Variants in TBL1XR1 observed in about 807,000 individuals in gnomAD.
TBL1XR1 encodes F-box-like/WD repeat-containing protein TBL1XR1.
A neutral mutation model predicts 66.9 loss-of-function variants in TBL1XR1; 5 were observed. The observed-to-expected ratio is 0.07, with a 90% CI of 0.04 to 0.16. TBL1XR1 has a LOEUF of 0.16. TBL1XR1 is among the 10% of genes least tolerant of loss of function. The probability of loss-of-function intolerance (pLI) is 1.00; values close to 1 mark genes in which losing one functional copy is unlikely to be tolerated. For synonymous variants in TBL1XR1, 210 were observed against 206.0 expected (o/e 1.02, Z -0.17); for missense variants, 238 against 623.2 (o/e 0.38, Z 6.58).
intron 1 of TBL1XR1, among the ~76,000 whole-genome samples, chr3:177,180,095 G>A (rs1047851807): frequency 6.6e-6 from 1 of 151,990 alleles, no homozygotes; most frequent in African/African-American, 2.4e-5. Context: ...AAATTAGCCA[G>A]GCATGGTGGC....
intron 2 of TBL1XR1, among the ~76,000 whole-genome samples, chr3:177,071,792 T>A (rs1220713672): frequency 1.3e-5 from 2 of 152,184 alleles, no homozygotes; most frequent in African/African-American, 2.4e-5. Flanking sequence ...GGAGTAAAGA[T>A]AACTGACATA....
chr3:177,151,241 A>G (rs1730848903), intron 1 of TBL1XR1, among the ~76,000 whole-genome samples: 1 of 152,188 alleles, frequency 6.6e-6, no homozygotes, highest in Admixed American at 6.5e-5. Context: ...CTGATGAAGT[A>G]TTTTTCAAGT....
chr3:177,174,059 C>T lies in TBL1XR1; in HGVS notation c.-122+23062G>A, dbSNP rs559670906. Among the ~76,000 whole-genome samples the T allele has an allele frequency of 2.0e-5, 3 of 152,188 alleles. No individual in the cohort carries two copies. The South Asian group carries it at 6.2e-4, about 32-fold the overall frequency. On this transcript the variant is annotated intron_variant, in intron 1 of 15. Coordinates refer to ENST00000457928, the MANE Select transcript of TBL1XR1 (RefSeq NM_024665.7). ...AACTTCATGAACTACTTATACCAAT[C>T]GATTTTTCACGTGACTATTCTCAAA...
At chr3:177,191,008 G>C (rs1260437994) in intron 1 of TBL1XR1, among the ~76,000 whole-genome samples, 2 of 152,180 alleles carry the variant, frequency 1.3e-5, no homozygotes, top group Non-Finnish European at 2.9e-5. Flanking sequence ...ATTCATGGAA[G>C]AAGGGGGACT....
chr3:177,045,763 A>G (rs1207861627), intron 10 of TBL1XR1, among the ~76,000 whole-genome samples: 2 of 152,162 alleles, frequency 1.3e-5, no homozygotes, highest in African/African-American at 4.8e-5. Context: ...CCTCATTTAC[A>G]GACAGTGAAA....
intron 1 of TBL1XR1, among the ~76,000 whole-genome samples, chr3:177,190,586 G>A (rs992641584): frequency 6.6e-6 from 1 of 152,144 alleles, no homozygotes; most frequent in Non-Finnish European, 1.5e-5. Flanking sequence ...CCAAAGTGCA[G>A]AGATTACAGG....
chr3:177,191,821 T>G (rs567334734), intron 1 of TBL1XR1, among the ~76,000 whole-genome samples: 1 of 152,124 alleles, frequency 6.6e-6, no homozygotes, highest in African/African-American at 2.4e-5. Flanking sequence ...TTTAAAGAGT[T>G]TGCCTGGCAC....
At chr3:177,112,107 A>ATATATATATATATATTTTT in intron 1 of TBL1XR1, among the ~76,000 whole-genome samples, 1 of 37,648 alleles carries the variant, frequency 2.7e-5, no homozygotes, top group Admixed American at 4.0e-4. Flanking sequence ...ATATATATAT[A>ATATATATATATATATTTTT]TTTTTTTTTT....
At chr3:177,155,748 G>A (rs781380906) in intron 1 of TBL1XR1, among the ~76,000 whole-genome samples, 2 of 152,220 alleles carry the variant, frequency 1.3e-5, no homozygotes, top group African/African-American at 2.4e-5. Context: ...GGCTGCAGTG[G>A]CTCATGCCTG....
At chr3:177,025,644 G>A in intron 15 of TBL1XR1, 120 bp from the exon 16 acceptor site, 1 of 939,464 alleles carries the variant, frequency 1.1e-6, no homozygotes. Context: ...AATTGGTAAA[G>A]CATAATAATC....
intron 15 of TBL1XR1, chr3:177,026,010 A>G (rs1713069420): frequency 3.4e-6 from 1 of 293,128 alleles, no homozygotes; most frequent in African/African-American, 2.3e-5. Flanking sequence ...AACTGCCTCT[A>G]GTTCTGCCTT....
chr3:177,080,904 T>C (rs1302818739), intron 2 of TBL1XR1, among the ~76,000 whole-genome samples: 2 of 152,234 alleles, frequency 1.3e-5, no homozygotes, highest in African/African-American at 4.8e-5. Flanking sequence ...ATTGCTTATG[T>C]TGATGCTAAG....
intron 14 of TBL1XR1, among the ~76,000 whole-genome samples, chr3:177,031,260 T>TTTA (rs1713957997): frequency 6.6e-6 from 1 of 152,128 alleles, no homozygotes; most frequent in South Asian, 2.1e-4. Flanking sequence ...TAGGCATATA[T>TTTA]TCATAAAGAC....
chr3:177,179,902 A>G (rs1734603185), intron 1 of TBL1XR1, among the ~76,000 whole-genome samples: 3 of 152,200 alleles, frequency 2.0e-5, no homozygotes, highest in Non-Finnish European at 4.4e-5. Context: ...TATCTGACAC[A>G]AAAAAGGGAA....
chr3:177,181,014 C>CGTCA (rs1177231910), intron 1 of TBL1XR1, among the ~76,000 whole-genome samples: 1 of 151,998 alleles, frequency 6.6e-6, no homozygotes, highest in African/African-American at 2.4e-5. Flanking sequence ...GGATTAGAGG[C>CGTCA]GTGACCCATG....
intron 14 of TBL1XR1, chr3:177,032,638 C>T (rs9290610): frequency 0.68 from 115,722 of 169,396 alleles, 41,084 homozygotes; most frequent in African/African-American, 0.91. Flanking sequence ...TTACTGCTCA[C>T]ATATAGCTCC....
chr3:177,058,722 T>G (rs1296849283), intron 3 of TBL1XR1, among the ~76,000 whole-genome samples: 1 of 152,232 alleles, frequency 6.6e-6, no homozygotes, highest in Non-Finnish European at 1.5e-5. Flanking sequence ...TTATTAATAA[T>G]GCCAAAAGCA....
chr3:177,026,412 T>C lies in TBL1XR1; in HGVS notation c.1479A>G (p.Ala493=). ...TGGIFEVCWN[A]AGDKVGASAS... is the part of the protein sequence containing the mutation. The stretch of plus-strand genomic sequence containing the variant: ...CACTGGCTCCAACTTTGTCTCCTGC[T>C]GCATTCCAGCAAACTTCAAATATTC... Residue 493 remains alanine (A), a synonymous_variant, in exon 15 of 16, where the codon GCA becomes GCG. Coordinates refer to ENST00000457928, the MANE Select transcript of TBL1XR1 (RefSeq NM_024665.7). 1.9e-6 allele frequency: 3 copies of C among 1,613,108 alleles called. No homozygotes were observed. The highest frequency in any genetic ancestry group is 2.5e-6 in the Non-Finnish European group (3 of 1,179,584).
intron 1 of TBL1XR1, among the ~76,000 whole-genome samples, chr3:177,154,938 A>G (rs1731316746): frequency 6.6e-6 from 1 of 152,218 alleles, no homozygotes; most frequent in Non-Finnish European, 1.5e-5. Flanking sequence ...ATCACAGAGT[A>G]TTTTCTCTGG....
Sources: allele counts gnomAD v4.1 joint callset (sites outside exome capture counted in the v4.1 genomes callset), GRCh38; gene constraint gnomAD v4.1.1; transcripts MANE v1.5; gene names NCBI Gene and HGNC (gene_info 2026-07-23, HGNC 2026-07-21).